The following ADORA2B variants were observed in gnomAD, a reference collection of about 807,000 sequenced individuals.
The protein encoded by ADORA2B is adenosine receptor A2b.
A neutral mutation model predicts 20.8 loss-of-function variants in ADORA2B; 18 were observed. The ratio of observed to expected loss-of-function variants is 0.87; its 90% CI spans 0.60 to 1.29. The LOEUF (loss-of-function observed/expected upper bound fraction) is 1.29. Among genes scored for constraint, ADORA2B ranks in the 50% most tolerant of loss-of-function variants. The pLI, the probability that ADORA2B is intolerant of heterozygous loss-of-function variation, is 0.00. For synonymous variants in ADORA2B, 179 were observed against 178.3 expected, an observed-to-expected ratio of 1.00 and a Z score of -0.03; for missense variants, 441 against 422.7, an observed-to-expected ratio of 1.04 and a Z score of -0.38.
chr17:15,854,522 A>G, the ADORA2B span, among the ~76,000 whole-genome samples: 5 of 152,246 alleles, frequency 3.3e-5, no homozygotes, highest in Non-Finnish European at 5.9e-5. Flanking sequence ...GTCATACTTA[A>G]TGGTGAAATA....
the ADORA2B span, among the ~76,000 whole-genome samples, chr17:15,925,439 G>T: frequency 1.3e-5 from 2 of 152,134 alleles, no homozygotes; most frequent in Non-Finnish European, 2.9e-5. Context: ...AGGAGCCACC[G>T]AGTCTAGCCT....
At chr17:15,927,283 A>C in the ADORA2B span, among the ~76,000 whole-genome samples, 6 of 152,190 alleles carry the variant, frequency 3.9e-5, no homozygotes, top group Non-Finnish European at 7.3e-5. Context: ...GGAGATGGAG[A>C]CCATTCTGGC....
At chr17:15,966,498 C>T (rs1970118157) in intron 1 of ADORA2B, among the ~76,000 whole-genome samples, 1 of 152,240 alleles carries the variant, frequency 6.6e-6, no homozygotes, top group African/African-American at 2.4e-5. Flanking sequence ...GGCCACAGAG[C>T]CAGTGCAGGA....
chr17:15,964,606 A>T (rs150155397), intron 1 of ADORA2B, among the ~76,000 whole-genome samples: 2,391 of 140,422 alleles, frequency 0.017, 25 homozygotes, highest in Non-Finnish European at 0.023. Context: ...CAAGAGCAAG[A>T]CTCTGTCTCA....
chr17:15,860,157 G>A, the ADORA2B span, among the ~76,000 whole-genome samples: 2 of 152,106 alleles, frequency 1.3e-5, no homozygotes, highest in South Asian at 2.1e-4. Flanking sequence ...ACCCTCTCAC[G>A]TGGACCCCCT....
At chr17:15,961,596 T>C (rs1970043300) in intron 1 of ADORA2B, among the ~76,000 whole-genome samples, 2 of 152,252 alleles carry the variant, frequency 1.3e-5, no homozygotes, top group African/African-American at 2.4e-5. Flanking sequence ...CATTCTATGC[T>C]TTTATAACAG....
At chr17:15,883,458 G>A in the ADORA2B span, among the ~76,000 whole-genome samples, 31 of 152,316 alleles carry the variant, frequency 2.0e-4, no homozygotes, top group Admixed American at 1.0e-3. Flanking sequence ...AGCCATGGTG[G>A]CAGGTGGTCT....
At chr17:15,940,627 C>T (rs1390477729), upstream of ADORA2B, among the ~76,000 whole-genome samples, 1 of 152,198 alleles carries the variant, frequency 6.6e-6, no homozygotes, top group East Asian at 1.9e-4. Context: ...CACTGAGGGG[C>T]AATGTGCACT....
At chr17:15,969,026 C>CA (rs1449469850) in intron 1 of ADORA2B, among the ~76,000 whole-genome samples, 1 of 152,198 alleles carries the variant, frequency 6.6e-6, no homozygotes, top group African/African-American at 2.4e-5. Flanking sequence ...ATCTTCTCAC[C>CA]ACTCAACTGT....
the ADORA2B span, among the ~76,000 whole-genome samples, chr17:15,901,778 T>C: frequency 6.6e-6 from 1 of 152,162 alleles, no homozygotes; most frequent in African/African-American, 2.4e-5. Flanking sequence ...CCCTATTATA[T>C]TGTAATTTAT....
the ADORA2B span, among the ~76,000 whole-genome samples, chr17:15,901,928 A>G: frequency 6.6e-6 from 1 of 152,142 alleles, no homozygotes; most frequent in Admixed American, 6.5e-5. Flanking sequence ...GTTCAGTGGT[A>G]TTGAGTCCAT....
the ADORA2B span, among the ~76,000 whole-genome samples, chr17:15,918,419 A>G: frequency 4.1e-3 from 627 of 152,322 alleles, 8 homozygotes; most frequent in African/African-American, 0.014. Flanking sequence ...CAGTCACCAC[A>G]TACAACACAG....
At chr17:15,872,841 A>G in the ADORA2B span, among the ~76,000 whole-genome samples, 1 of 152,228 alleles carries the variant, frequency 6.6e-6, no homozygotes, top group South Asian at 2.1e-4. Context: ...TGATCATATC[A>G]TCTGCAAATA....
chr17:15,921,329 A>G, the ADORA2B span, among the ~76,000 whole-genome samples: 1 of 152,222 alleles, frequency 6.6e-6, no homozygotes, highest in Non-Finnish European at 1.5e-5. Context: ...CAGTGATGCT[A>G]TGAGATCTCT....
At chr17:15,911,070 C>A in the ADORA2B span, among the ~76,000 whole-genome samples, 1 of 152,168 alleles carries the variant, frequency 6.6e-6, no homozygotes, top group African/African-American at 2.4e-5. Context: ...CATGGAGAAC[C>A]ACTAAGTGGG....
In ADORA2B at chr17:15,945,551, C is replaced by A; in HGVS notation, c.303C>A (p.Val101=). Residue 101 remains valine (V), a synonymous_variant, in exon 1 of 2, where the codon GTC becomes GTA. Coordinates refer to ENST00000304222, the MANE Select transcript of ADORA2B (RefSeq NM_000676.4). ...TCTTCAGCCTTCTGGCCGTGGCAGT[C>A]GACAGATACCTGGCCATCTGTGTCC... ...SSIFSLLAVA[V]DRYLAICVPL... 3 of 1,582,208 alleles carry A rather than the reference C, an allele frequency of 1.9e-6. No homozygotes were observed. The highest frequency in any genetic ancestry group is 2.6e-6 in the Non-Finnish European group (3 of 1,167,376).
the ADORA2B span, among the ~76,000 whole-genome samples, chr17:15,921,501 G>T: frequency 2.0e-5 from 3 of 152,112 alleles, no homozygotes; most frequent in East Asian, 3.8e-4. Flanking sequence ...AGTGACAGTT[G>T]ATGCTAAAAT....
the ADORA2B span, among the ~76,000 whole-genome samples, chr17:15,920,643 T>A: frequency 6.6e-6 from 1 of 150,884 alleles, no homozygotes; most frequent in Non-Finnish European, 1.5e-5. Flanking sequence ...ATCACTTGAA[T>A]CTGGGAGGTG....
chr17:15,967,522 C>T (rs1246643629), intron 1 of ADORA2B, among the ~76,000 whole-genome samples: 1 of 152,060 alleles, frequency 6.6e-6, no homozygotes, highest in East Asian at 1.9e-4. Flanking sequence ...TGAGCCACCG[C>T]GCCCAGCCAA....
Sources: gnomAD v4.1 joint callset for allele counts (sites outside exome capture counted in the v4.1 genomes callset) on GRCh38, gnomAD v4.1.1 for gene constraint, MANE v1.5 for transcripts, NCBI Gene and HGNC (gene_info 2026-07-23, HGNC 2026-07-21) for gene names.